Variants in FNDC3B observed in about 807,000 individuals in gnomAD.
FNDC3B encodes fibronectin type III domain-containing protein 3B.
A neutral mutation model predicts 151.5 loss-of-function variants in FNDC3B; 12 were observed. The observed-to-expected ratio is 0.08, with a 90% CI of 0.05 to 0.13. The LOEUF (loss-of-function observed/expected upper bound fraction) is 0.13. Ranked by LOEUF, FNDC3B falls within the 10% of genes least tolerant of loss-of-function variation. The pLI is 1.00. For missense variants in FNDC3B, 1,214 were observed against 1,505.3 expected, an observed-to-expected ratio of 0.81 and a Z score of 3.20; for synonymous variants, 528 against 549.0, an observed-to-expected ratio of 0.96 and a Z score of 0.54.
At chr3:172,089,704 T>C (rs1336021952) in intron 1 of FNDC3B, among the ~76,000 whole-genome samples, 2 of 152,184 alleles carry the variant, frequency 1.3e-5, no homozygotes, top group East Asian at 3.8e-4. Context: ...AAGGCTGTCT[T>C]GTGAAGATCA....
At chr3:172,272,196 G>A (rs565330948) in intron 6 of FNDC3B, among the ~76,000 whole-genome samples, 21 of 152,238 alleles carry the variant, frequency 1.4e-4, no homozygotes, top group Middle Eastern at 3.4e-3. Context: ...CTGTATAATA[G>A]CTATAAGAGA....
Position 172,063,137 on chromosome 3 carries a change from AT to A in FNDC3B, c.-29+23373del, listed in dbSNP as rs1310744270. Among the ~76,000 whole-genome samples, 3 of 151,994 alleles carry A rather than the reference AT, an allele frequency of 2.0e-5. No individual in the cohort carries two copies. In the South Asian group the frequency reaches 6.2e-4, roughly 32 times the overall value. ...TTATATACTTTTGAAGCAAGTCTTG[AT>A]TTTTTTGTATTTTCCCCATTTTTCT... On this transcript the variant is annotated intron_variant, in intron 1 of 25. Transcript: ENST00000415807.
chr3:172,153,112 C>T (rs1722314777), intron 3 of FNDC3B, among the ~76,000 whole-genome samples: 1 of 152,138 alleles, frequency 6.6e-6, no homozygotes, highest in African/African-American at 2.4e-5. Context: ...GCAGAATTTC[C>T]TCTGTCGGGC....
At chr3:172,096,482 A>G (rs1163625579) in intron 1 of FNDC3B, among the ~76,000 whole-genome samples, 2 of 152,184 alleles carry the variant, frequency 1.3e-5, no homozygotes, top group Admixed American at 6.5e-5. Context: ...CTGTTGTATC[A>G]TCTGTTTTTC....
chr3:172,288,325 C>T (rs999984623), intron 7 of FNDC3B, among the ~76,000 whole-genome samples: 2 of 152,224 alleles, frequency 1.3e-5, no homozygotes, highest in Non-Finnish European at 2.9e-5. Flanking sequence ...GGGCCTGGAC[C>T]TGGCGAATTC....
At chr3:172,329,963 T>C (rs1208511292) in intron 12 of FNDC3B, 1 of 152,238 alleles carries the variant, frequency 6.6e-6, no homozygotes, top group African/African-American at 2.4e-5. Context: ...TATTTGTTGC[T>C]CACATTGATT....
intron 22 of FNDC3B, among the ~76,000 whole-genome samples, chr3:172,356,540 C>T (rs941219193): frequency 9.2e-5 from 14 of 151,898 alleles, no homozygotes; most frequent in Non-Finnish European, 2.1e-4. Context: ...GTTTTTTTGC[C>T]TCCAGAGCAG....
chr3:172,079,761 C>T (rs1232921110), intron 1 of FNDC3B, among the ~76,000 whole-genome samples: 1 of 152,172 alleles, frequency 6.6e-6, no homozygotes, highest in Non-Finnish European at 1.5e-5. Flanking sequence ...CCTCATTTTA[C>T]AAGTCTGCTT....
At chr3:172,317,175 CT>C (rs1560074810) in intron 11 of FNDC3B, 2 of 443,210 alleles carry the variant, frequency 4.5e-6, no homozygotes. Context: ...GATTAATTTT[CT>C]TTTTCTTTTT....
chr3:172,362,471 C>T (rs1357506162), intron 22 of FNDC3B, among the ~76,000 whole-genome samples, 162 bp from the exon 23 acceptor site: 1 of 151,954 alleles, frequency 6.6e-6, no homozygotes, highest in East Asian at 1.9e-4. Flanking sequence ...ACTGAGCAAC[C>T]CCGTGCTTCT....
intron 4 of FNDC3B, among the ~76,000 whole-genome samples, chr3:172,238,629 G>A (rs1230914809): frequency 6.6e-6 from 1 of 152,160 alleles, no homozygotes; most frequent in African/African-American, 2.4e-5. Flanking sequence ...GATTGGCTAG[G>A]GTGGGTACAG....
Position 172,397,638 on chromosome 3 carries a change from T to C in FNDC3B, c.*163T>C. 1 of 402,904 alleles carries C rather than the reference T, an allele frequency of 2.5e-6. No homozygotes were observed. Among genetic ancestry groups the C allele is most frequent in the East Asian group, 3.7e-5 (1 of 26,746 alleles). 25.0% of individuals were successfully genotyped at this position (402,904 alleles called of 1,614,324 possible). A position where few individuals can be genotyped will look rare whatever the true frequency, so the allele number is the denominator to read the frequency against. On this transcript the variant is annotated 3_prime_UTR_variant, in exon 26 of 26. Coordinates refer to ENST00000415807, the MANE Select transcript of FNDC3B (RefSeq NM_022763.4). Reference sequence around the variant, plus strand: ...AGTGTTTTGGTGCACCTTTTTGAAATGCAAAACTAGGAAAAGGTTAAACTG... The same window carrying C: ...AGTGTTTTGGTGCACCTTTTTGAAACGCAAAACTAGGAAAAGGTTAAACTG...
chr3:172,367,057 A>G (rs1034144299), intron 23 of FNDC3B, among the ~76,000 whole-genome samples: 7 of 152,172 alleles, frequency 4.6e-5, no homozygotes, highest in African/African-American at 1.7e-4. Flanking sequence ...CCTAGAATTC[A>G]TCTAGATCAC....
chr3:172,167,117 C>T (rs753532473), intron 3 of FNDC3B, among the ~76,000 whole-genome samples: 9 of 152,012 alleles, frequency 5.9e-5, no homozygotes, highest in African/African-American at 1.4e-4. Flanking sequence ...ACTTAAGGGC[C>T]GGGTACATTG....
rs1474969076 is a variant in FNDC3B, at chr3:172,352,051, TA to T, written c.2515-751del. Among the ~76,000 whole-genome samples, 5 of 151,852 alleles carry T rather than the reference TA, an allele frequency of 3.3e-5. No individual in the cohort carries two copies. Among genetic ancestry groups the T allele is most frequent in the Non-Finnish European group, 7.4e-5 (5 of 67,984 alleles). ...AAGACGACATCTCCAAATGTTTGAG[TA>T]GAGGTAGAAAAGAGGAGGTACCGAA... is the stretch of plus-strand genomic sequence containing the variant. On this transcript the variant is annotated intron_variant, in intron 21 of 25. Coordinates refer to ENST00000415807, the MANE Select transcript of FNDC3B (RefSeq NM_022763.4). The surrounding 1 kb of genome is among the most constrained non-coding windows in gnomAD (Gnocchi z 4.2).
intron 2 of FNDC3B, among the ~76,000 whole-genome samples, chr3:172,124,095 T>C (rs574181930): frequency 2.4e-4 from 37 of 151,644 alleles, no homozygotes; most frequent in African/African-American, 8.7e-4. Context: ...ACTTGGAACT[T>C]TTTTTTTTCT....
chr3:172,310,915 AC>A, intron 11 of FNDC3B, 34 bp downstream of exon 11: 1 of 1,482,496 alleles, frequency 6.7e-7, no homozygotes, highest in Non-Finnish European at 9.4e-7. Context: ...CATCTAAAAC[AC>A]CATTTCAAAA....
intron 3 of FNDC3B, among the ~76,000 whole-genome samples, chr3:172,161,915 G>A (rs1361996866): frequency 6.6e-6 from 1 of 151,428 alleles, no homozygotes; most frequent in Non-Finnish European, 1.5e-5. Flanking sequence ...TGCTTATTCT[G>A]TCTGGACATT....
intron 6 of FNDC3B, among the ~76,000 whole-genome samples, chr3:172,264,541 C>T (rs1474081823): frequency 2.0e-5 from 3 of 152,170 alleles, no homozygotes; most frequent in African/African-American, 4.8e-5. Flanking sequence ...GAATTCTCTA[C>T]CCCTCTCTCC....
Sources: allele counts gnomAD v4.1 joint callset (sites outside exome capture counted in the v4.1 genomes callset), GRCh38; gene constraint gnomAD v4.1.1; non-coding constraint Gnocchi (gnomAD v3.1); transcripts MANE v1.5; gene names NCBI Gene and HGNC (gene_info 2026-07-23, HGNC 2026-07-21).